Variants in AFF2 observed in about 807,000 individuals in gnomAD.
AFF2 encodes AF4/FMR2 family member 2.
AFF2 carries 14 observed loss-of-function variants against 76.9 expected under a neutral mutation model. The ratio of observed to expected loss-of-function variants is 0.18; its 90% CI spans 0.12 to 0.28. AFF2 has a LOEUF of 0.28. AFF2 is among the 10% of genes least tolerant of loss of function. The probability of loss-of-function intolerance (pLI) is 1.00; values close to 1 mark genes in which losing one functional copy is unlikely to be tolerated. For missense variants in AFF2, 868 were observed against 1,001.1 expected (o/e 0.87, Z 1.79); for synonymous variants, 398 against 366.7 (o/e 1.09, Z -0.98).
chrX:148,549,479 G>A (rs781798945), intron 1 of AFF2, among the ~76,000 whole-genome samples: 8 of 111,500 alleles, frequency 7.2e-5, no homozygotes, highest in Admixed American at 9.5e-5. Context: ...CCTCAGTCCC[G>A]TCTCTTCTGG....
At chrX:148,940,690 G>T (rs1276727940) in intron 9 of AFF2, among the ~76,000 whole-genome samples, 1 of 111,146 alleles carries the variant, frequency 9.0e-6, no homozygotes, top group African/African-American at 3.3e-5. Context: ...TCTTGCTATT[G>T]ATCTAGTTGT....
chrX:148,540,011 A>G (rs1557237201), intron 1 of AFF2, among the ~76,000 whole-genome samples: 1 of 111,871 alleles, frequency 8.9e-6, no homozygotes, highest in Non-Finnish European at 1.9e-5. Context: ...TAGATACAAG[A>G]TGTCATTTCT....
intron 16 of AFF2, among the ~76,000 whole-genome samples, chrX:148,974,871 T>A (rs1557290022): frequency 8.9e-6 from 1 of 111,923 alleles, no homozygotes; most frequent in South Asian, 3.8e-4. Context: ...TTGCCCAGTG[T>A]CTAGTCAAAC....
intron 1 of AFF2, among the ~76,000 whole-genome samples, chrX:148,527,957 A>G (rs2052683710): frequency 8.9e-6 from 1 of 111,929 alleles, no homozygotes; most frequent in Non-Finnish European, 1.9e-5. Context: ...GACAGTATAC[A>G]CATTATCCTT....
intron 5 of AFF2, among the ~76,000 whole-genome samples, 179 bp from the exon 6 acceptor site, chrX:148,842,787 C>A (rs781949695): frequency 8.9e-6 from 1 of 111,946 alleles, no homozygotes; most frequent in Non-Finnish European, 1.9e-5. Flanking sequence ...GCAGGTTTGG[C>A]TGGCAAATGT....
At chrX:148,795,481 A>G (rs1267123732) in intron 3 of AFF2, among the ~76,000 whole-genome samples, 1 of 109,229 alleles carries the variant, frequency 9.2e-6, no homozygotes, top group Non-Finnish European at 1.9e-5. Flanking sequence ...AGGGTAAAAC[A>G]TTTAGAAATT....
chrX:148,968,965 C>T (rs1465193642), intron 15 of AFF2, among the ~76,000 whole-genome samples: 2 of 112,410 alleles, frequency 1.8e-5, no homozygotes, highest in Non-Finnish European at 3.8e-5. Context: ...CTACAGAGCA[C>T]TCAAGTGCTC....
chrX:148,629,648 A>C (rs782048280), intron 1 of AFF2, among the ~76,000 whole-genome samples: 2 of 112,035 alleles, frequency 1.8e-5, no homozygotes, highest in Admixed American at 9.5e-5. Context: ...TACTGGGCCC[A>C]CTTAGAATCA....
chrX:148,569,689 C>T (rs1362469887), intron 1 of AFF2, among the ~76,000 whole-genome samples: 2 of 110,794 alleles, frequency 1.8e-5, no homozygotes, highest in East Asian at 5.7e-4. Flanking sequence ...CGGTGTTAGC[C>T]CCTTGTGACA....
intron 1 of AFF2, among the ~76,000 whole-genome samples, chrX:148,632,980 G>A (rs1358639212): frequency 1.8e-5 from 2 of 111,614 alleles, no homozygotes; most frequent in Non-Finnish European, 3.8e-5. Flanking sequence ...TGATCTATTC[G>A]AAGATATAGA....
chrX:148,525,150 T>C lies in AFF2; in HGVS notation c.47+24006T>C, dbSNP rs782333301. Among the ~76,000 whole-genome samples the C allele has an allele frequency of 8.0e-5, 9 of 111,971 alleles. No individual in the cohort carries two copies. The South Asian group carries it at 3.3e-3, about 41-fold the overall frequency. On this transcript the variant is annotated intron_variant, in intron 1 of 20. Coordinates refer to ENST00000370460, the MANE Select transcript of AFF2 (RefSeq NM_002025.4). ...GAAAGTACATTCAAAATTTAACTTA[T>C]GTGTACGTGTGTGTGTGTGCATGTG...
At chrX:148,664,482 C>T (rs1341967023) in intron 3 of AFF2, among the ~76,000 whole-genome samples, 1 of 111,311 alleles carries the variant, frequency 9.0e-6, no homozygotes, top group African/African-American at 3.3e-5. Flanking sequence ...GGTCAGTTGT[C>T]ACCTTCTCTG....
chrX:148,999,181 C>A lies in AFF2; in HGVS notation c.*7849C>A, dbSNP rs1281271520. On this transcript the variant is annotated 3_prime_UTR_variant, in exon 21 of 21. Transcript: ENST00000370460. ...TAAATTGACTGAGACTTGCAAAATA[C>A]CCCTGAGAGTTGTCAGGGGTGTCTT... 1 of 110,994 alleles carries A rather than the reference C, an allele frequency of 9.0e-6. No homozygotes were observed. The highest frequency in any genetic ancestry group is 9.5e-5 in the Admixed American group (1 of 10,483). The allele number at this position is 110,994 out of a possible 1,213,427, so 9.1% of individuals were successfully genotyped here. A position where few individuals can be genotyped will look rare whatever the true frequency, so the allele number is the denominator to read the frequency against.
chrX:148,581,072 C>CACATATAT (rs1569551592), intron 1 of AFF2, among the ~76,000 whole-genome samples: 1 of 62,607 alleles, frequency 1.6e-5, no homozygotes, highest in Non-Finnish European at 3.6e-5. Flanking sequence ...TGTATATATA[C>CACATATAT]ACACATATAT....
intron 3 of AFF2, among the ~76,000 whole-genome samples, chrX:148,714,412 G>A (rs1367199613): frequency 9.0e-6 from 1 of 111,436 alleles, no homozygotes; most frequent in Non-Finnish European, 1.9e-5. Context: ...CTATGTTGTG[G>A]ATTTAGTTTA....
chrX:148,559,241 C>T (rs781784006), intron 1 of AFF2, among the ~76,000 whole-genome samples: 5 of 111,316 alleles, frequency 4.5e-5, no homozygotes, highest in African/African-American at 6.5e-5. Flanking sequence ...AAAATCAAGA[C>T]GCATGCAGAA....
intron 1 of AFF2, among the ~76,000 whole-genome samples, chrX:148,562,616 A>C (rs2053126211): frequency 8.9e-6 from 1 of 112,313 alleles, no homozygotes; most frequent in Admixed American, 9.4e-5. Flanking sequence ...CTAGAGACAT[A>C]GGTCAGCTTA....
intron 1 of AFF2, among the ~76,000 whole-genome samples, chrX:148,573,506 C>CT (rs1364542648): frequency 3.4e-4 from 36 of 106,115 alleles, no homozygotes; most frequent in African/African-American, 1.1e-3. Context: ...GTGATAAAGA[C>CT]TTTTTTTTTT....
intron 9 of AFF2, among the ~76,000 whole-genome samples, chrX:148,938,492 A>G (rs781786343): frequency 1.2e-4 from 14 of 112,157 alleles, no homozygotes; most frequent in Non-Finnish European, 2.4e-4. Flanking sequence ...CATAAAAACC[A>G]TCAGACCAAT....
Sources: allele counts gnomAD v4.1 joint callset (sites outside exome capture counted in the v4.1 genomes callset), GRCh38; gene constraint gnomAD v4.1.1; transcripts MANE v1.5; gene names NCBI Gene and HGNC (gene_info 2026-07-23, HGNC 2026-07-21).